The following DGKB variants were observed in gnomAD, a reference collection of about 807,000 sequenced individuals.
DGKB encodes the protein diacylglycerol kinase beta.
A neutral mutation model predicts 114.3 loss-of-function variants in DGKB; 67 were observed. The ratio of observed to expected loss-of-function variants is 0.59; its 90% CI spans 0.48 to 0.72. DGKB has a LOEUF of 0.72. Among genes scored for constraint, DGKB ranks in the 30% least tolerant of loss-of-function variants. DGKB has a pLI of 0.00. For missense variants in DGKB, 907 were observed against 975.2 expected, an observed-to-expected ratio of 0.93 and a Z score of 0.93; for synonymous variants, 398 against 323.1, an observed-to-expected ratio of 1.23 and a Z score of -2.49.
chr7:14,878,711 T>C (rs1424287994), intron 1 of DGKB, among the ~76,000 whole-genome samples: 1 of 137,164 alleles, frequency 7.3e-6, no homozygotes, highest in Non-Finnish European at 1.5e-5. Context: ...ATTGGGCCAC[T>C]GCCCTCCAGC....
chr7:14,404,356 G>A (rs1823605895), intron 21 of DGKB, among the ~76,000 whole-genome samples: 1 of 151,484 alleles, frequency 6.6e-6, no homozygotes, highest in African/African-American at 2.4e-5. Flanking sequence ...TGAATATTAT[G>A]CTGTTACATA....
At chr7:14,557,056 T>G (rs1702976994) in intron 20 of DGKB, among the ~76,000 whole-genome samples, 1 of 152,106 alleles carries the variant, frequency 6.6e-6, no homozygotes, top group Non-Finnish European at 1.5e-5. Flanking sequence ...GGAAGCTTGT[T>G]GGAAATGCAA....
chr7:14,698,009 GAAAGAAAGAGAA>G, intron 8 of DGKB, 74 bp downstream of exon 8: 1 of 736,592 alleles, frequency 1.4e-6, no homozygotes, highest in Non-Finnish European at 2.3e-6. Flanking sequence ...AAGAAAGAAA[GAAAGAAAGAGAA>G]AGAAAGAAAG....
At chr7:14,451,866 C>T (rs571438547) in intron 21 of DGKB, among the ~76,000 whole-genome samples, 1 of 152,082 alleles carries the variant, frequency 6.6e-6, no homozygotes, top group East Asian at 1.9e-4. Flanking sequence ...CACTCAAAAA[C>T]AAAATGGGAT....
chr7:14,415,820 G>T (rs1825639252), intron 21 of DGKB, among the ~76,000 whole-genome samples: 1 of 152,070 alleles, frequency 6.6e-6, no homozygotes, highest in Non-Finnish European at 1.5e-5. Context: ...GATATTTCTA[G>T]TTCTAGATCC....
chr7:14,169,364 C>CAAAA (rs35418998), intron 25 of DGKB, among the ~76,000 whole-genome samples: 2 of 65,284 alleles, frequency 3.1e-5, no homozygotes, highest in African/African-American at 5.3e-5. Flanking sequence ...GACTCCGTCT[C>CAAAA]AAAAAAAAAA....
chr7:14,871,442 G>A (rs1852441361), intron 1 of DGKB, among the ~76,000 whole-genome samples: 1 of 152,094 alleles, frequency 6.6e-6, no homozygotes, highest in Non-Finnish European at 1.5e-5. Context: ...TAATCACTTT[G>A]AAAAAGATTG....
intron 13 of DGKB, among the ~76,000 whole-genome samples, chr7:14,637,746 C>T (rs923721265): frequency 4.0e-5 from 6 of 151,744 alleles, no homozygotes; most frequent in African/African-American, 1.5e-4. Flanking sequence ...CTCTGCTAAG[C>T]AAATGAAGAT....
chr7:14,672,833 T>C (rs918159549), intron 13 of DGKB, 96 bp downstream of exon 13: 18 of 662,076 alleles, frequency 2.7e-5, no homozygotes, highest in Admixed American at 1.1e-4. Context: ...TCTACCTTGA[T>C]TGATGAAAAA....
chr7:14,234,033 G>A (rs938778577), intron 23 of DGKB, among the ~76,000 whole-genome samples: 20 of 152,012 alleles, frequency 1.3e-4, no homozygotes, highest in Admixed American at 2.6e-4. Flanking sequence ...TATCTTTGTG[G>A]TCCCCCTTGC....
At chr7:14,289,739 T>C (rs1405806565) in intron 23 of DGKB, among the ~76,000 whole-genome samples, 11 of 70,202 alleles carry the variant, frequency 1.6e-4, no homozygotes, top group African/African-American at 2.6e-4. Context: ...AAATCAGACA[T>C]GGACCAAAAA....
At chr7:14,222,116 C>G (rs905829487) in intron 23 of DGKB, among the ~76,000 whole-genome samples, 1 of 150,930 alleles carries the variant, frequency 6.6e-6, no homozygotes, top group Non-Finnish European at 1.5e-5. Flanking sequence ...GCTTCACTGA[C>G]TTTTTATATT....
At chr7:14,818,464 G>A (rs941530225) in intron 2 of DGKB, among the ~76,000 whole-genome samples, 2 of 152,082 alleles carry the variant, frequency 1.3e-5, no homozygotes, top group East Asian at 3.9e-4. Flanking sequence ...GTTCCCCAGC[G>A]GAAAGGAGAA....
chr7:14,413,722 A>G (rs1825260570), intron 21 of DGKB, among the ~76,000 whole-genome samples: 1 of 152,134 alleles, frequency 6.6e-6, no homozygotes, highest in African/African-American at 2.4e-5. Context: ...ATCTCCCTGA[A>G]GAAAGAGAGA....
At chr7:14,790,492 ATT>A (rs1168253862) in intron 2 of DGKB, among the ~76,000 whole-genome samples, 1 of 127,558 alleles carries the variant, frequency 7.8e-6, no homozygotes, top group Non-Finnish European at 1.6e-5. Flanking sequence ...ATTTAGGCTC[ATT>A]TTTTTTGTTG....
intron 20 of DGKB, among the ~76,000 whole-genome samples, chr7:14,498,992 T>C (rs1378138995): frequency 2.0e-5 from 3 of 151,664 alleles, no homozygotes; most frequent in Non-Finnish European, 4.4e-5. Flanking sequence ...AGAGTTTTAA[T>C]TTCATTTCAT....
chr7:14,343,071 C>G (rs1465952064), intron 22 of DGKB, among the ~76,000 whole-genome samples: 1 of 150,194 alleles, frequency 6.7e-6, no homozygotes, highest in African/African-American at 2.4e-5. Context: ...TATAAAATAA[C>G]CTTGAGGGTA....
upstream of DGKB, among the ~76,000 whole-genome samples, chr7:14,907,966 A>T (rs957080979): frequency 1.3e-5 from 2 of 152,270 alleles, no homozygotes; most frequent in African/African-American, 4.8e-5. Flanking sequence ...AAAGCACAGC[A>T]TAGAAATTCT....
chr7:14,558,085 C>A (rs963753512), intron 20 of DGKB, among the ~76,000 whole-genome samples: 1 of 150,458 alleles, frequency 6.6e-6, no homozygotes, highest in African/African-American at 2.4e-5. Flanking sequence ...TTATCTGTCT[C>A]TTTATATATA....
Sources: gnomAD v4.1 joint callset for allele counts (sites outside exome capture counted in the v4.1 genomes callset) on GRCh38, gnomAD v4.1.1 for gene constraint, MANE v1.5 for transcripts, NCBI Gene and HGNC (gene_info 2026-07-23, HGNC 2026-07-21) for gene names.